The following RSPO2 variants were observed in gnomAD, a reference collection of about 807,000 sequenced individuals.
RSPO2 encodes R-spondin-2.
RSPO2 carries 14 observed loss-of-function variants against 30.9 expected under a neutral mutation model. That is an observed-to-expected ratio of 0.45 (90% CI 0.30 to 0.71). The LOEUF (loss-of-function observed/expected upper bound fraction) is 0.71. Ranked by LOEUF, RSPO2 falls within the 30% of genes least tolerant of loss-of-function variation. RSPO2 has a pLI of 0.08. For synonymous variants in RSPO2, 107 were observed against 96.4 expected, an observed-to-expected ratio of 1.11 and a Z score of -0.64; for missense variants, 264 against 301.9, an observed-to-expected ratio of 0.87 and a Z score of 0.93.
chr8:108,080,231 A>G (rs146500130), intron 2 of RSPO2, among the ~76,000 whole-genome samples: 4 of 152,322 alleles, frequency 2.6e-5, no homozygotes, highest in African/African-American at 9.6e-5. Flanking sequence ...ACTTTTAATT[A>G]AAAACACAGT....
chr8:107,998,184 T>C (rs1815094174), intron 2 of RSPO2, among the ~76,000 whole-genome samples: 3 of 151,580 alleles, frequency 2.0e-5, no homozygotes, highest in African/African-American at 4.8e-5. Flanking sequence ...GTTCAAGATA[T>C]GTATTTAAGG....
intron 2 of RSPO2, among the ~76,000 whole-genome samples, chr8:107,995,679 G>A (rs1287816394): frequency 6.6e-6 from 1 of 152,084 alleles, no homozygotes; most frequent in Non-Finnish European, 1.5e-5. Flanking sequence ...AGCCTAGGTT[G>A]CTGAAGGTTT....
chr8:108,010,782 G>T (rs974639647), intron 2 of RSPO2, among the ~76,000 whole-genome samples: 1 of 152,114 alleles, frequency 6.6e-6, no homozygotes, highest in African/African-American at 2.4e-5. Flanking sequence ...TGGTGAAAAG[G>T]CAGGGAAGGA....
intron 2 of RSPO2, among the ~76,000 whole-genome samples, chr8:108,025,715 T>C (rs1195188547): frequency 3.3e-5 from 5 of 151,880 alleles, no homozygotes; most frequent in Non-Finnish European, 5.9e-5. Flanking sequence ...AGAAAGAGGA[T>C]CTTACTATGT....
chr8:108,034,214 C>G (rs754682768), intron 2 of RSPO2, among the ~76,000 whole-genome samples: 8 of 152,048 alleles, frequency 5.3e-5, no homozygotes, highest in Admixed American at 1.3e-4. Flanking sequence ...CCCCTCCTTA[C>G]TTGTTCTAAT....
rs921538277 is a variant in RSPO2 at position 107,900,220 on chromosome 8, G to C, written c.*855C>G. On this transcript the variant is annotated 3_prime_UTR_variant, in exon 6 of 6. Transcript: ENST00000276659. Reference sequence around the variant, plus strand: ...CCTGCTGCTTTATCTATATGTGTGGGACATGTGGAGTGGAGAAGGTCTACC... The same window carrying C: ...CCTGCTGCTTTATCTATATGTGTGGCACATGTGGAGTGGAGAAGGTCTACC... The C allele has an allele frequency of 6.6e-6, 1 of 152,092 alleles. No homozygotes were observed. The highest frequency in any genetic ancestry group is 1.5e-5 in the Non-Finnish European group (1 of 68,014). The allele number at this position is 152,092 out of a possible 1,614,324, so 9.4% of individuals were successfully genotyped here. A position where few individuals can be genotyped will look rare whatever the true frequency, so the allele number is the denominator to read the frequency against.
chr8:108,040,554 C>A (rs929522131), intron 2 of RSPO2, among the ~76,000 whole-genome samples: 4 of 152,152 alleles, frequency 2.6e-5, no homozygotes, highest in African/African-American at 9.7e-5. Flanking sequence ...CCAGACCAGG[C>A]AGAACATGAA....
chr8:107,989,381 T>C, intron 2 of RSPO2, 137 bp from the exon 3 acceptor site: 1 of 587,642 alleles, frequency 1.7e-6, no homozygotes, highest in Non-Finnish European at 2.8e-6. Flanking sequence ...ATCCCTCCCC[T>C]TCTTCCCTCT....
At chr8:107,996,718 G>C (rs1429326895) in intron 2 of RSPO2, among the ~76,000 whole-genome samples, 1 of 152,106 alleles carries the variant, frequency 6.6e-6, no homozygotes, top group Non-Finnish European at 1.5e-5. Context: ...ACAGAACCAA[G>C]AGAATCAACA....
intron 2 of RSPO2, among the ~76,000 whole-genome samples, chr8:108,053,325 G>T: frequency 6.6e-6 from 1 of 152,074 alleles, no homozygotes; most frequent in East Asian, 1.9e-4. Context: ...AGGCTTCCAA[G>T]AAATTAAAAA....
intron 2 of RSPO2, among the ~76,000 whole-genome samples, chr8:108,059,820 G>A (rs1294201474): frequency 7.1e-6 from 1 of 141,286 alleles, no homozygotes; most frequent in Admixed American, 7.4e-5. Flanking sequence ...CATGGACACA[G>A]GAAGGGGAAC....
chr8:108,072,724 G>A (rs1325151601), intron 2 of RSPO2, among the ~76,000 whole-genome samples: 1 of 151,952 alleles, frequency 6.6e-6, no homozygotes, highest in Non-Finnish European at 1.5e-5. Context: ...GGGACAGAGC[G>A]AGACTCAGTC....
chr8:107,989,875 C>A (rs984747506), intron 2 of RSPO2, among the ~76,000 whole-genome samples: 1 of 152,156 alleles, frequency 6.6e-6, no homozygotes, highest in Admixed American at 6.5e-5. Context: ...TAGATATTTT[C>A]TACAATCCTG....
rs747227279 is a variant in RSPO2 at position 107,958,191 on chromosome 8, G to T, written c.505C>A (p.Leu169Met). The T allele has an allele frequency of 4.3e-6, 7 of 1,613,464 alleles. No individual in the cohort carries two copies. Among genetic ancestry groups the T allele is most frequent in the Non-Finnish European group, 5.9e-6 (7 of 1,179,778 alleles). Reference sequence around the variant, plus strand: ...ACAATTTGCCGTGTTCTGGTTTCCAGACCCCATTTAAATCCACATGTGCGA... The same window carrying T: ...ACAATTTGCCGTGTTCTGGTTTCCATACCCCATTTAAATCCACATGTGCGA... Reference protein sequence around the residue: ...NNRTCGFKWGLETRTRQIVKK... With the variant: ...NNRTCGFKWGMETRTRQIVKK... The change falls in exon 5 of 6, where the codon CTG becomes ATG. Residue 169 changes from leucine (L) to methionine (M), a missense_variant. By Grantham distance (15) the Leu-to-Met change is conservative. Transcript: ENST00000276659.
intron 5 of RSPO2, among the ~76,000 whole-genome samples, chr8:107,919,788 C>T (rs751812059): frequency 1.2e-4 from 18 of 151,966 alleles, no homozygotes; most frequent in Admixed American, 8.5e-4. Flanking sequence ...CCTGAATGCT[C>T]GGGGAGACTG....
At chr8:108,017,147 G>A (rs1398803797) in intron 2 of RSPO2, among the ~76,000 whole-genome samples, 1 of 151,646 alleles carries the variant, frequency 6.6e-6, no homozygotes. Context: ...CTCCCGAGTA[G>A]CTGGGACTAC....
intron 2 of RSPO2, among the ~76,000 whole-genome samples, chr8:108,052,970 T>C (rs1418843050): frequency 6.6e-6 from 1 of 152,132 alleles, no homozygotes; most frequent in Non-Finnish European, 1.5e-5. Context: ...TACACATATA[T>C]ATATACAGTT....
chr8:108,030,169 C>T (rs1811377650), intron 2 of RSPO2, among the ~76,000 whole-genome samples: 1 of 151,040 alleles, frequency 6.6e-6, no homozygotes, highest in South Asian at 2.1e-4. Flanking sequence ...TTAGCCAGGC[C>T]CTCTGGATTT....
At chr8:107,936,245 GT>G (rs530662344) in intron 5 of RSPO2, among the ~76,000 whole-genome samples, 1 of 152,038 alleles carries the variant, frequency 6.6e-6, no homozygotes, top group Non-Finnish European at 1.5e-5. Flanking sequence ...ATGACCTCCA[GT>G]TTTAACCATG....
Sources: allele counts gnomAD v4.1 joint callset (sites outside exome capture counted in the v4.1 genomes callset), GRCh38; gene constraint gnomAD v4.1.1; transcripts MANE v1.5; gene names NCBI Gene and HGNC (gene_info 2026-07-23, HGNC 2026-07-21).